The following ASNS variants were observed in gnomAD, a reference collection of about 807,000 sequenced individuals.
The protein encoded by ASNS is asparagine synthetase (glutamine-hydrolyzing).
ASNS carries 37 observed loss-of-function variants against 62.6 expected under a neutral mutation model. The ratio of observed to expected loss-of-function variants is 0.59; its 90% CI spans 0.45 to 0.78. The LOEUF is 0.78. ASNS is among the 30% of genes least tolerant of loss of function. The probability of loss-of-function intolerance (pLI) is 0.00; values close to 1 mark genes in which losing one functional copy is unlikely to be tolerated. For synonymous variants in ASNS, 207 were observed against 237.9 expected, an observed-to-expected ratio of 0.87 and a Z score of 1.19; for missense variants, 520 against 682.4, an observed-to-expected ratio of 0.76 and a Z score of 2.65.
chr7:97,877,665 CTCCAAAGACAGT>C, the ASNS span, among the ~76,000 whole-genome samples: 1 of 152,268 alleles, frequency 6.6e-6, no homozygotes, highest in East Asian at 1.9e-4. Flanking sequence ...GAGCTGCCAC[CTCCAAAGACAGT>C]TCACAGCATG....
chr7:97,902,839 C>T, the ASNS span, among the ~76,000 whole-genome samples: 1 of 152,226 alleles, frequency 6.6e-6, no homozygotes, highest in African/African-American at 2.4e-5. Flanking sequence ...TCCATCTCTA[C>T]TAACCCCTGA....
At chr7:97,855,705 C>T (rs140251105) in intron 8 of ASNS, among the ~76,000 whole-genome samples, 1 of 152,228 alleles carries the variant, frequency 6.6e-6, no homozygotes, top group African/African-American at 2.4e-5. Context: ...TTTTAAAATT[C>T]TAATGTTTTT....
the ASNS span, among the ~76,000 whole-genome samples, chr7:97,903,247 T>G: frequency 3.0e-3 from 455 of 151,894 alleles, 3 homozygotes; most frequent in Middle Eastern, 0.01. Context: ...CCAGAGTTTT[T>G]TTTTTTTTTT....
At chr7:97,917,173 T>A in the ASNS span, among the ~76,000 whole-genome samples, 1 of 149,420 alleles carries the variant, frequency 6.7e-6, no homozygotes, top group African/African-American at 2.5e-5. Flanking sequence ...AATCATTTTT[T>A]AGGGTAAGCA....
At chr7:97,855,073 G>A (rs1287119457) in intron 9 of ASNS, 6 of 396,098 alleles carry the variant, frequency 1.5e-5, no homozygotes, top group Admixed American at 1.2e-4. Context: ...AATCTCCTGG[G>A]TTCAGGTGAT....
upstream of ASNS, among the ~76,000 whole-genome samples, chr7:97,873,712 A>T (rs919404860): frequency 2.0e-5 from 3 of 152,190 alleles, no homozygotes; most frequent in African/African-American, 7.2e-5. Context: ...TAATCTGTGT[A>T]AACCCAGAGC....
At chr7:97,852,538 C>T (rs765705212) in intron 12 of ASNS, 70 bp from the exon 13 acceptor site, 3 of 1,439,084 alleles carry the variant, frequency 2.1e-6, no homozygotes, top group Non-Finnish European at 2.9e-6. Context: ...AGTCTCATTT[C>T]ACGAAACAGA....
the ASNS span, among the ~76,000 whole-genome samples, chr7:97,920,406 T>G: frequency 6.8e-6 from 1 of 147,902 alleles, no homozygotes; most frequent in African/African-American, 2.5e-5. Flanking sequence ...CACCCCCCAA[T>G]GCCCCCCGGC....
At chr7:97,927,790 T>G in the ASNS span, among the ~76,000 whole-genome samples, 1 of 152,224 alleles carries the variant, frequency 6.6e-6, no homozygotes, top group African/African-American at 2.4e-5. Context: ...CAGAGTTCAG[T>G]GTCCAGGTGA....
chr7:97,924,305 G>A, the ASNS span, among the ~76,000 whole-genome samples: 2 of 152,164 alleles, frequency 1.3e-5, no homozygotes, highest in South Asian at 4.1e-4. Context: ...GCCAGGGGGG[G>A]ATGCGAGAAC....
intron 7 of ASNS, among the ~76,000 whole-genome samples, chr7:97,857,616 TAA>T (rs566620938): frequency 8.2e-4 from 95 of 116,130 alleles, no homozygotes; most frequent in African/African-American, 1.5e-3. Context: ...CCTTTACGTT[TAA>T]AAAAAAAAAA....
At chr7:97,906,198 C>T in the ASNS span, among the ~76,000 whole-genome samples, 8 of 152,160 alleles carry the variant, frequency 5.3e-5, no homozygotes, top group African/African-American at 1.4e-4. Context: ...CCAATTTTCT[C>T]GGCTAGAATA....
chr7:97,888,300 A>G, the ASNS span, among the ~76,000 whole-genome samples: 1 of 143,376 alleles, frequency 7.0e-6, no homozygotes, highest in Non-Finnish European at 1.5e-5. Flanking sequence ...TAGAAACCTT[A>G]TTTTATTCTG....
chr7:97,870,067 C>G (rs1792178602), intron 1 of ASNS: 1 of 300,452 alleles, frequency 3.3e-6, no homozygotes. Flanking sequence ...AAATAAATCA[C>G]CCTTACATAC....
chr7:97,927,401 C>A, the ASNS span, among the ~76,000 whole-genome samples: 1 of 148,372 alleles, frequency 6.7e-6, no homozygotes, highest in Non-Finnish European at 1.5e-5. Context: ...GCAATGGGGC[C>A]TGTTGACAGA....
At chr7:97,905,072 G>C in the ASNS span, among the ~76,000 whole-genome samples, 1 of 152,060 alleles carries the variant, frequency 6.6e-6, no homozygotes, top group South Asian at 2.1e-4. Flanking sequence ...TCAAACAGTG[G>C]CTCTTTATAG....
chr7:97,912,610 C>G, the ASNS span, among the ~76,000 whole-genome samples: 2 of 124,354 alleles, frequency 1.6e-5, no homozygotes, highest in South Asian at 2.7e-4. Context: ...TCAGACAGAG[C>G]CTCGCTCTGT....
chr7:97,853,401 G>T lies in ASNS; in HGVS notation c.1239-15C>A. 6.2e-7 allele frequency: 1 copy of T among 1,605,430 alleles called. No homozygotes were observed. Among genetic ancestry groups the T allele is most frequent in the East Asian group, 2.2e-5 (1 of 44,812 alleles). On this transcript the variant is annotated splice_polypyrimidine_tract_variant and intron_variant, in intron 10 of 12. Transcript: ENST00000394308. ...TCAGTTCAAGACTTAAAGGAGAAAA[G>T]AAGAAAATCTAAATTAAAATGGGTA...
chr7:97,885,873 G>A, the ASNS span: 3 of 476,266 alleles, frequency 6.3e-6, no homozygotes, highest in Admixed American at 8.4e-5. Context: ...TCAGAATGAT[G>A]GCAGCAGCCC....
Sources: allele counts gnomAD v4.1 joint callset (sites outside exome capture counted in the v4.1 genomes callset), GRCh38; gene constraint gnomAD v4.1.1; transcripts MANE v1.5; gene names NCBI Gene and HGNC (gene_info 2026-07-23, HGNC 2026-07-21).